SGCZ: variants seen among roughly 807,000 people sequenced by gnomAD.
The protein encoded by SGCZ is zeta-sarcoglycan.
Under a neutral mutation model 41.3 loss-of-function variants are expected in SGCZ, and 40 were observed. That is an observed-to-expected ratio of 0.97 (90% CI 0.75 to 1.26). SGCZ has a LOEUF of 1.26. SGCZ is among the 50% of genes most tolerant of loss of function. SGCZ has a pLI of 0.00. For synonymous variants in SGCZ, 206 were observed against 137.5 expected, an observed-to-expected ratio of 1.50 and a Z score of -3.49; for missense variants, 552 against 369.8, an observed-to-expected ratio of 1.49 and a Z score of -4.04.
intron 1 of SGCZ, among the ~76,000 whole-genome samples, chr8:14,837,118 G>A (rs752092316): frequency 3.9e-5 from 6 of 152,144 alleles, no homozygotes; most frequent in Non-Finnish European, 5.9e-5. Context: ...TGATAATGCA[G>A]CAGGCAATAA....
intron 1 of SGCZ, among the ~76,000 whole-genome samples, chr8:15,221,551 A>C (rs1274434287): frequency 6.6e-6 from 1 of 152,102 alleles, no homozygotes; most frequent in African/African-American, 2.4e-5. Flanking sequence ...TAGTTCAAAA[A>C]TTCCAGCAGG....
At chr8:14,365,049 A>T (rs750285633) in intron 2 of SGCZ, among the ~76,000 whole-genome samples, 2 of 152,020 alleles carry the variant, frequency 1.3e-5, no homozygotes, top group Non-Finnish European at 2.9e-5. Flanking sequence ...TATAATGTTG[A>T]CATTTTAAGT....
intron 1 of SGCZ, among the ~76,000 whole-genome samples, chr8:14,616,319 G>C (rs1186597468): frequency 2.0e-5 from 3 of 151,138 alleles, no homozygotes; most frequent in African/African-American, 2.4e-5. Flanking sequence ...CCCTGAACTA[G>C]ACTGATGATG....
chr8:14,950,631 G>A (rs1304916147), intron 1 of SGCZ, among the ~76,000 whole-genome samples: 1 of 151,646 alleles, frequency 6.6e-6, no homozygotes, highest in Non-Finnish European at 1.5e-5. Context: ...TAGGATGTTG[G>A]CAAAAAAAAT....
chr8:14,747,205 G>A (rs958709098), intron 1 of SGCZ, among the ~76,000 whole-genome samples: 1 of 152,156 alleles, frequency 6.6e-6, no homozygotes, highest in Non-Finnish European at 1.5e-5. Flanking sequence ...ACCGTGTTAG[G>A]ACCACAGACA....
intron 2 of SGCZ, among the ~76,000 whole-genome samples, chr8:14,525,356 G>C (rs1476733026): frequency 6.6e-6 from 1 of 152,004 alleles, no homozygotes; most frequent in Non-Finnish European, 1.5e-5. Flanking sequence ...ATAATGTTTT[G>C]TTCTGTCTTC....
intron 1 of SGCZ, among the ~76,000 whole-genome samples, chr8:14,798,033 G>C (rs1389288233): frequency 6.6e-6 from 1 of 152,232 alleles, no homozygotes; most frequent in East Asian, 1.9e-4. Context: ...CCCTCATGGA[G>C]AACTCCTGCT....
intron 4 of SGCZ, among the ~76,000 whole-genome samples, chr8:14,165,523 A>G (rs1380919004): frequency 3.3e-5 from 5 of 152,158 alleles, no homozygotes; most frequent in African/African-American, 1.2e-4. Context: ...GATAATGGCC[A>G]GCAGTAATTC....
intron 2 of SGCZ, among the ~76,000 whole-genome samples, chr8:14,383,411 A>C (rs1243523979): frequency 6.6e-6 from 1 of 152,146 alleles, no homozygotes; most frequent in Non-Finnish European, 1.5e-5. Context: ...ATATGTCCCA[A>C]TTTGCCCTGT....
At chr8:14,967,189 T>C (rs1801150377) in intron 1 of SGCZ, among the ~76,000 whole-genome samples, 2 of 152,208 alleles carry the variant, frequency 1.3e-5, no homozygotes, top group South Asian at 2.1e-4. Flanking sequence ...ATTAAAATTA[T>C]ACTGGGATGT....
intron 1 of SGCZ, among the ~76,000 whole-genome samples, chr8:15,038,525 A>T (rs1402839780): frequency 2.0e-5 from 3 of 152,030 alleles, no homozygotes; most frequent in Non-Finnish European, 4.4e-5. Context: ...AACAAGGGAA[A>T]ATTTCTATAA....
intron 4 of SGCZ, among the ~76,000 whole-genome samples, chr8:14,201,661 C>T (rs967624188): frequency 2.0e-5 from 3 of 152,118 alleles, no homozygotes; most frequent in Non-Finnish European, 4.4e-5. Context: ...TACCAAGGGG[C>T]ATAATGTATT....
At chr8:15,014,583 T>C (rs1563437782) in intron 1 of SGCZ, among the ~76,000 whole-genome samples, 1 of 152,216 alleles carries the variant, frequency 6.6e-6, no homozygotes, top group South Asian at 2.1e-4. Context: ...GCTCTGGTCA[T>C]CAGCTGCCCA....
chr8:14,328,465 G>A (rs1043002649), intron 2 of SGCZ, among the ~76,000 whole-genome samples: 2 of 152,094 alleles, frequency 1.3e-5, no homozygotes, highest in Non-Finnish European at 2.9e-5. Context: ...TTTATCATCT[G>A]TAAATGGAAT....
chr8:14,815,342 T>C (rs569806988), intron 1 of SGCZ, among the ~76,000 whole-genome samples: 2 of 151,612 alleles, frequency 1.3e-5, no homozygotes, highest in Non-Finnish European at 2.9e-5. Context: ...TAAAATAAAA[T>C]TAATTATTAC....
intron 1 of SGCZ, among the ~76,000 whole-genome samples, chr8:14,740,649 T>C (rs963689713): frequency 1.3e-5 from 2 of 152,048 alleles, no homozygotes; most frequent in Non-Finnish European, 1.5e-5. Flanking sequence ...TTCATATTAG[T>C]CAACTCTGTG....
intron 5 of SGCZ, among the ~76,000 whole-genome samples, chr8:14,146,516 A>G (rs1311910635): frequency 2.0e-5 from 3 of 152,212 alleles, no homozygotes; most frequent in African/African-American, 7.2e-5. Flanking sequence ...CTCACTGGCC[A>G]TAGTAAGTAA....
chr8:14,120,715 A>G (rs1321156041), intron 5 of SGCZ, among the ~76,000 whole-genome samples: 2 of 152,126 alleles, frequency 1.3e-5, no homozygotes, highest in African/African-American at 4.8e-5. Flanking sequence ...GAAAAATGTA[A>G]TGCATGTTCT....
intron 4 of SGCZ, among the ~76,000 whole-genome samples, chr8:14,189,862 A>T (rs1437740931): frequency 6.6e-6 from 1 of 152,146 alleles, no homozygotes; most frequent in East Asian, 1.9e-4. Context: ...CTGCATCTTC[A>T]GTGATTAAAA....
Sources: gnomAD v4.1 joint callset for allele counts (sites outside exome capture counted in the v4.1 genomes callset) on GRCh38, gnomAD v4.1.1 for gene constraint, MANE v1.5 for transcripts, NCBI Gene and HGNC (gene_info 2026-07-23, HGNC 2026-07-21) for gene names.